AGBL4: variants seen among roughly 807,000 people sequenced by gnomAD.
AGBL4 encodes cytosolic carboxypeptidase 6.
Under a neutral mutation model 66.4 loss-of-function variants are expected in AGBL4, and 58 were observed. That is an observed-to-expected ratio of 0.87 (90% CI 0.71 to 1.09). AGBL4 has a LOEUF of 1.09. AGBL4 is among the 50% of genes least tolerant of loss of function. The pLI, the probability that AGBL4 is intolerant of heterozygous loss-of-function variation, is 0.00. For missense variants in AGBL4, 579 were observed against 631.0 expected (o/e 0.92, Z 0.88); for synonymous variants, 234 against 222.9 (o/e 1.05, Z -0.44).
At chr1:48,561,070 T>C (rs1489589788) in intron 11 of AGBL4, among the ~76,000 whole-genome samples, 1 of 152,262 alleles carries the variant, frequency 6.6e-6, no homozygotes, top group Non-Finnish European at 1.5e-5. Context: ...TCTTTGCCCA[T>C]GCAGTATCAC....
intron 3 of AGBL4, among the ~76,000 whole-genome samples, chr1:49,291,087 T>C (rs1644524114): frequency 6.6e-6 from 1 of 152,158 alleles, no homozygotes; most frequent in South Asian, 2.1e-4. Context: ...TAACAGCAGA[T>C]TTGCGGATGT....
At chr1:49,586,149 G>A (rs1383182346) in intron 3 of AGBL4, among the ~76,000 whole-genome samples, 1 of 152,084 alleles carries the variant, frequency 6.6e-6, no homozygotes, top group Non-Finnish European at 1.5e-5. Context: ...GTTGCCTCAT[G>A]TAATCCCCAT....
At chr1:49,430,497 A>AG (rs1645762336) in intron 3 of AGBL4, among the ~76,000 whole-genome samples, 1 of 152,166 alleles carries the variant, frequency 6.6e-6, no homozygotes, top group Admixed American at 6.5e-5. Flanking sequence ...GTACAGAGTA[A>AG]GTGCACAGTA....
At chr1:49,028,733 C>T (rs1187465401) in intron 5 of AGBL4, among the ~76,000 whole-genome samples, 1 of 152,066 alleles carries the variant, frequency 6.6e-6, no homozygotes, top group Non-Finnish European at 1.5e-5. Context: ...TACTTTGATA[C>T]CCAAACTAGA....
intron 1 of AGBL4, among the ~76,000 whole-genome samples, chr1:49,860,222 T>A (rs1213756913): frequency 6.6e-6 from 1 of 151,538 alleles, no homozygotes; most frequent in Non-Finnish European, 1.5e-5. Flanking sequence ...GCAAACAAAC[T>A]AAAAAAAATC....
In AGBL4 at chr1:48,534,117, C is replaced by T. The variant is rs752544723; in HGVS notation, c.*56G>A. 4 of 1,550,640 alleles carry T rather than the reference C, an allele frequency of 2.6e-6. No individual in the cohort carries two copies. Among genetic ancestry groups the T allele is most frequent in the Non-Finnish European group, 3.5e-6 (4 of 1,146,304 alleles). Reference sequence around the variant, plus strand: ...CTAGAGAAGAGTGATTAATTTCATTCCCCAGCAGAAAATGCATGCTCCTGT... The same window carrying T: ...CTAGAGAAGAGTGATTAATTTCATTTCCCAGCAGAAAATGCATGCTCCTGT... On this transcript the variant is annotated 3_prime_UTR_variant, in exon 14 of 14. Coordinates refer to ENST00000371839, the MANE Select transcript of AGBL4 (RefSeq NM_032785.4).
chr1:49,312,120 T>C (rs1476129920), intron 3 of AGBL4, among the ~76,000 whole-genome samples: 5 of 152,104 alleles, frequency 3.3e-5, no homozygotes, highest in Non-Finnish European at 5.9e-5. Flanking sequence ...CCAAAATTCT[T>C]ACAGAAACTT....
At chr1:48,803,731 C>T (rs1051712512) in intron 6 of AGBL4, among the ~76,000 whole-genome samples, 1 of 152,210 alleles carries the variant, frequency 6.6e-6, no homozygotes. Context: ...TCAGGACCTG[C>T]AGACCTTGGG....
At chr1:49,467,827 A>T (rs1646661908) in intron 3 of AGBL4, among the ~76,000 whole-genome samples, 1 of 151,858 alleles carries the variant, frequency 6.6e-6, no homozygotes, top group Admixed American at 6.6e-5. Flanking sequence ...GCAGAAAATT[A>T]AAAAATAGTT....
At chr1:48,671,025 T>A (rs1646268589) in intron 6 of AGBL4, among the ~76,000 whole-genome samples, 1 of 152,212 alleles carries the variant, frequency 6.6e-6, no homozygotes, top group Non-Finnish European at 1.5e-5. Context: ...GCTGGCCCTG[T>A]GTCCTGAATC....
At chr1:49,816,193 C>G (rs534031623) in intron 2 of AGBL4, among the ~76,000 whole-genome samples, 2 of 152,038 alleles carry the variant, frequency 1.3e-5, no homozygotes, top group African/African-American at 4.8e-5. Flanking sequence ...CTTATCATTA[C>G]CACCCTTAAC....
At chr1:49,128,204 C>T (rs1410230118) in intron 4 of AGBL4, among the ~76,000 whole-genome samples, 3 of 151,928 alleles carry the variant, frequency 2.0e-5, no homozygotes, top group Non-Finnish European at 2.9e-5. Flanking sequence ...GAATTAATCT[C>T]AGATTAGACA....
intron 3 of AGBL4, among the ~76,000 whole-genome samples, chr1:49,512,473 A>G (rs1205255609): frequency 6.6e-6 from 1 of 151,908 alleles, no homozygotes; most frequent in African/African-American, 2.4e-5. Context: ...CAGATCCTTC[A>G]TGGCTTGGTG....
chr1:49,276,626 C>A (rs769288671), intron 3 of AGBL4, among the ~76,000 whole-genome samples: 17 of 152,140 alleles, frequency 1.1e-4, no homozygotes, highest in Non-Finnish European at 2.5e-4. Flanking sequence ...GAAACACGTA[C>A]CATCTATTCT....
At chr1:49,891,844 A>G (rs1027146264) in intron 1 of AGBL4, among the ~76,000 whole-genome samples, 2 of 152,238 alleles carry the variant, frequency 1.3e-5, no homozygotes, top group African/African-American at 4.8e-5. Flanking sequence ...TGTTGCTTTC[A>G]TTACAAAGAA....
At chr1:48,663,075 G>T in intron 7 of AGBL4, 77 bp downstream of exon 7, 1 of 1,371,362 alleles carries the variant, frequency 7.3e-7, no homozygotes, top group Non-Finnish European at 1.0e-6. Flanking sequence ...TCTGCATGTG[G>T]CCACACTGTT....
At chr1:49,669,524 T>C (rs573500369) in intron 3 of AGBL4, among the ~76,000 whole-genome samples, 44 of 151,980 alleles carry the variant, frequency 2.9e-4, no homozygotes, top group South Asian at 1.9e-3. Context: ...TATATTAACA[T>C]TCACTGGATA....
intron 3 of AGBL4, among the ~76,000 whole-genome samples, chr1:49,581,245 G>A (rs950511765): frequency 1.3e-5 from 2 of 151,896 alleles, no homozygotes; most frequent in African/African-American, 4.8e-5. Context: ...TTCACATTCT[G>A]AATTGGGTTT....
At chr1:48,748,756 G>C (rs1426495769) in intron 6 of AGBL4, among the ~76,000 whole-genome samples, 2 of 152,164 alleles carry the variant, frequency 1.3e-5, no homozygotes, top group African/African-American at 2.4e-5. Context: ...AAGGCTTCAG[G>C]AAAGTGGTGA....
Sources: allele counts gnomAD v4.1 joint callset (sites outside exome capture counted in the v4.1 genomes callset), GRCh38; gene constraint gnomAD v4.1.1; transcripts MANE v1.5; gene names NCBI Gene and HGNC (gene_info 2026-07-23, HGNC 2026-07-21).